SLC30A10: variants seen among roughly 807,000 people sequenced by gnomAD.
SLC30A10 encodes calcium/manganese antiporter SLC30A10.
Under a neutral mutation model 21.7 loss-of-function variants are expected in SLC30A10, and 8 were observed. That is an observed-to-expected ratio of 0.37 (90% CI 0.22 to 0.67). SLC30A10 has a LOEUF of 0.67. Ranked by LOEUF, SLC30A10 falls within the 30% of genes least tolerant of loss-of-function variation. The pLI is 0.58. For synonymous variants in SLC30A10, 272 were observed against 279.4 expected (o/e 0.97, Z 0.26); for missense variants, 521 against 642.5 (o/e 0.81, Z 2.04).
At chr1:219,941,962 G>A (rs1055410684) in intron 1 of SLC30A10, among the ~76,000 whole-genome samples, 1 of 152,220 alleles carries the variant, frequency 6.6e-6, no homozygotes, top group Non-Finnish European at 1.5e-5. Flanking sequence ...GCCCTGGCCA[G>A]GTCTGGCAGA....
At chr1:219,927,214 A>G (rs1659846886) in intron 1 of SLC30A10, 109 bp from the exon 2 acceptor site, 1 of 1,138,770 alleles carries the variant, frequency 8.8e-7, no homozygotes, top group Non-Finnish European at 1.3e-6. Flanking sequence ...TACTAGCTTA[A>G]GGGAGACCCT....
chr1:219,941,307 G>A (rs1571810161), intron 1 of SLC30A10, among the ~76,000 whole-genome samples: 1 of 152,332 alleles, frequency 6.6e-6, no homozygotes, highest in East Asian at 1.9e-4. Context: ...AGTTTGCTAA[G>A]GCTGAACTTC....
Position 219,927,687 on chromosome 1 carries a change from A to AAAAAC in SLC30A10, c.640+109_640+113dup, listed in dbSNP as rs1553313741. ...AAAAAAACAACAACAACAAAAAAAA[A>AAAAAC]AAAACAGAAAAAAAGCATGCAGAAG... On this transcript the variant is annotated intron_variant, in intron 1 of 3. Transcript: ENST00000366926. 128 of 634,514 alleles carry AAAAAC rather than the reference A, an allele frequency of 2.0e-4. 4 individuals are homozygous for AAAAAC. Among genetic ancestry groups the AAAAAC allele is most frequent in the African/African-American group, 1.7e-3 (66 of 39,256 alleles). The allele number at this position is 634,514 out of a possible 1,614,324, so 39.3% of individuals were successfully genotyped here. A position where few individuals can be genotyped will look rare whatever the true frequency, so the allele number is the denominator to read the frequency against.
At chr1:219,949,932 G>T (rs1218791726) in intron 1 of SLC30A10, among the ~76,000 whole-genome samples, 1 of 152,170 alleles carries the variant, frequency 6.6e-6, no homozygotes, top group East Asian at 1.9e-4. Context: ...TAAACAGCTA[G>T]CCAATAAGAA....
rs1571789188 is a variant in SLC30A10, at chr1:219,915,705, T to C, written c.1202A>G (p.Asn401Ser). 1 of 1,614,038 alleles carries C rather than the reference T, an allele frequency of 6.2e-7. No homozygotes were observed. The highest frequency in any genetic ancestry group is 1.1e-5 in the South Asian group (1 of 91,070). Residue 401 changes from asparagine to serine, a missense_variant, in exon 4 of 4, where the codon AAC (asparagine) becomes AGC (serine). Physicochemically the swap from Asn to Ser is conservative, Grantham distance 46 (BLOSUM62 1). Coordinates refer to ENST00000366926, the MANE Select transcript of SLC30A10 (RefSeq NM_018713.3). ...ACAGCCCTTGGAGATGCAGGGTGAGTTGCAGAGCAACAGTAAGTCCTTCTG... is the reference window on the plus strand; with the variant it reads ...ACAGCCCTTGGAGATGCAGGGTGAGCTGCAGAGCAACAGTAAGTCCTTCTG... ...LEQKDLLLLC[N>S]SPCISKGCAK...
upstream of SLC30A10, among the ~76,000 whole-genome samples, chr1:219,930,488 C>A (rs1659952653): frequency 1.3e-5 from 2 of 151,996 alleles, no homozygotes; most frequent in Admixed American, 1.3e-4. Context: ...CACCTCCCCC[C>A]AACCACAGAA....
intron 1 of SLC30A10, among the ~76,000 whole-genome samples, chr1:219,945,412 T>C (rs1026886565): frequency 6.6e-6 from 1 of 152,160 alleles, no homozygotes; most frequent in Non-Finnish European, 1.5e-5. Flanking sequence ...TTACTGAGAA[T>C]ATAAAGTGAT....
rs1659844104 is a variant in SLC30A10, at chr1:219,927,124, C to T, written c.641-19G>A. The stretch of plus-strand genomic sequence containing the variant: ...GAATCACCTGCATTCAAAGAAGAAA[C>T]CTTGTGTTGTGTATAAGTTCTACAA... On this transcript the variant is annotated intron_variant, in intron 1 of 3. Transcript: ENST00000366926. The T allele has an allele frequency of 1.2e-6, 2 of 1,613,386 alleles. No homozygotes were observed. The highest frequency in any genetic ancestry group is 1.1e-5 in the South Asian group (1 of 91,030).
Position 219,915,352 on chromosome 1 carries a change from T to A in SLC30A10, c.*97A>T. On this transcript the variant is annotated 3_prime_UTR_variant, in exon 4 of 4. Coordinates refer to ENST00000366926, the MANE Select transcript of SLC30A10 (RefSeq NM_018713.3). ...GAACACAGAGCATGCATGCTGCAAG[T>A]CTAGTCTGGGCCTACAACCCAGAAA... 6.9e-7 allele frequency: 1 copy of A among 1,450,222 alleles called. No homozygotes were observed. The highest frequency in any genetic ancestry group is 9.4e-7 in the Non-Finnish European group (1 of 1,065,582). The allele number at this position is 1,450,222 out of a possible 1,614,324, so 89.8% of individuals were successfully genotyped here. A position where few individuals can be genotyped will look rare whatever the true frequency, so the allele number is the denominator to read the frequency against.
At chr1:219,930,885 A>G (rs550908968), upstream of SLC30A10, among the ~76,000 whole-genome samples, 72 of 152,334 alleles carry the variant, frequency 4.7e-4, no homozygotes, top group Non-Finnish European at 9.0e-4. Flanking sequence ...AGCACTCAAT[A>G]AATGTTCTAT....
intron 1 of SLC30A10, chr1:219,958,517 C>A (rs1660381419): frequency 6.5e-6 from 1 of 152,880 alleles, no homozygotes; most frequent in South Asian, 2.1e-4. Flanking sequence ...TCAGACAGCA[C>A]CTGCCAGGAC....
rs757737775 is a variant in SLC30A10 at position 219,915,658 on chromosome 1, G to A, written c.1249C>T (p.Pro417Ser). The change falls in exon 4 of 4, where the codon CCC becomes TCC. Residue 417 changes from proline (P) to serine (S), a missense_variant. Physicochemically the swap from Pro to Ser is moderately conservative, Grantham distance 74 (BLOSUM62 -1). Coordinates refer to ENST00000366926, the MANE Select transcript of SLC30A10 (RefSeq NM_018713.3). ...KGCAKQLCCP[P>S]GALPLAHVNG... is the part of the protein sequence containing the mutation. ...ACGTGAGCCAGAGGCAGTGCCCCGGGGGGACAACACAGCTGCTTAGCACAG... is the reference window on the plus strand; with the variant it reads ...ACGTGAGCCAGAGGCAGTGCCCCGGAGGGACAACACAGCTGCTTAGCACAG... 3 of 1,614,226 alleles carry A rather than the reference G, an allele frequency of 1.9e-6. No individual in the cohort carries two copies. Among genetic ancestry groups the A allele is most frequent in the African/African-American group, 2.7e-5 (2 of 75,046 alleles).
intron 1 of SLC30A10, among the ~76,000 whole-genome samples, chr1:219,953,392 C>T (rs550686016): frequency 6.6e-6 from 1 of 151,642 alleles, no homozygotes; most frequent in Non-Finnish European, 1.5e-5. Context: ...GTCAGGAGAT[C>T]GAGACCATCC....
chr1:219,940,246 G>A (rs1304451206), intron 1 of SLC30A10, among the ~76,000 whole-genome samples: 1 of 152,288 alleles, frequency 6.6e-6, no homozygotes, highest in East Asian at 1.9e-4. Context: ...AAGACGCAAG[G>A]AGCAGTCACG....
chr1:219,949,699 A>G (rs1358004841), intron 1 of SLC30A10, among the ~76,000 whole-genome samples: 1 of 152,062 alleles, frequency 6.6e-6, no homozygotes, highest in Non-Finnish European at 1.5e-5. Flanking sequence ...ATGTATACAT[A>G]TGTAACTAAC....
At chr1:219,951,148 G>A (rs1450568233) in intron 1 of SLC30A10, among the ~76,000 whole-genome samples, 1 of 151,888 alleles carries the variant, frequency 6.6e-6, no homozygotes, top group Admixed American at 6.6e-5. Flanking sequence ...TTTTGTAGAG[G>A]TGAGTCCTCG....
intron 1 of SLC30A10, among the ~76,000 whole-genome samples, chr1:219,941,197 G>T (rs957274857): frequency 7.2e-5 from 11 of 152,208 alleles, no homozygotes; most frequent in Admixed American, 3.9e-4. Context: ...TGAATGATAT[G>T]CTTGCAACCT....
rs781599324 is a variant in SLC30A10 at position 219,928,297 on chromosome 1, C to G, written c.144G>C (p.Leu48=). 6.2e-7 allele frequency: 1 copy of G among 1,608,108 alleles called. No individual in the cohort carries two copies. The highest frequency in any genetic ancestry group is 2.2e-5 in the East Asian group (1 of 44,652). ...LSDSFNMLSD[L]ISLCVGLSAG... is the part of the protein sequence containing the mutation. ...CGCTCAGGCCCACGCACAGCGAGAT[C>G]AGGTCGGAGAGCATGTTGAAGGAGT... The change falls in exon 1 of 4, where the codon CTG becomes CTC. Residue 48 remains leucine, a synonymous_variant. Coordinates refer to ENST00000366926, the MANE Select transcript of SLC30A10 (RefSeq NM_018713.3). The surrounding 1 kb of genome is among the most constrained non-coding windows in gnomAD (Gnocchi z 6.3).
At chr1:219,948,995 AAC>A in intron 1 of SLC30A10, among the ~76,000 whole-genome samples, 1 of 152,052 alleles carries the variant, frequency 6.6e-6, no homozygotes, top group South Asian at 2.1e-4. Flanking sequence ...GCAGCCAAAA[AAC>A]ACATGAAAAA....
Sources: allele counts gnomAD v4.1 joint callset (sites outside exome capture counted in the v4.1 genomes callset), GRCh38; gene constraint gnomAD v4.1.1; non-coding constraint Gnocchi (gnomAD v3.1); transcripts MANE v1.5; gene names NCBI Gene and HGNC (gene_info 2026-07-23, HGNC 2026-07-21).